The following SMAP1 variants were observed in gnomAD, a reference collection of about 807,000 sequenced individuals.
SMAP1 encodes small ArfGAP 1, also known as stromal membrane-associated protein 1.
A neutral mutation model predicts 58.5 loss-of-function variants in SMAP1; 24 were observed. The observed-to-expected ratio is 0.41, with a 90% CI of 0.30 to 0.58. The LOEUF (loss-of-function observed/expected upper bound fraction) is 0.58, where lower values mean the gene tolerates loss of function less well. SMAP1 is among the 20% of genes least tolerant of loss of function. SMAP1 has a pLI of 0.29. For synonymous variants in SMAP1, 216 were observed against 196.6 expected (o/e 1.10, Z -0.82); for missense variants, 563 against 566.3 (o/e 0.99, Z 0.06).
chr6:70,788,690 A>G (rs1034991833), intron 4 of SMAP1, among the ~76,000 whole-genome samples: 1 of 152,116 alleles, frequency 6.6e-6, no homozygotes, highest in African/African-American at 2.4e-5. Context: ...GAAAAACCAG[A>G]AGGAGTCATA....
At chr6:70,739,263 A>T (rs1452377458) in intron 2 of SMAP1, among the ~76,000 whole-genome samples, 1 of 152,182 alleles carries the variant, frequency 6.6e-6, no homozygotes, top group Non-Finnish European at 1.5e-5. Flanking sequence ...TCTGTGGATG[A>T]AGGTGAGATA....
intron 1 of SMAP1, among the ~76,000 whole-genome samples, chr6:70,714,888 T>A (rs1222564740): frequency 6.6e-6 from 1 of 152,088 alleles, no homozygotes; most frequent in Non-Finnish European, 1.5e-5. Flanking sequence ...TATTCTTGGC[T>A]GACAATTTTT....
chr6:70,679,505 C>G (rs926130441), intron 1 of SMAP1, among the ~76,000 whole-genome samples: 1 of 151,950 alleles, frequency 6.6e-6, no homozygotes. Flanking sequence ...TATAGAAAAG[C>G]TATTAGAATG....
intron 1 of SMAP1, among the ~76,000 whole-genome samples, chr6:70,724,250 G>A (rs922608985): frequency 5.9e-4 from 89 of 151,440 alleles, no homozygotes; most frequent in African/African-American, 2.1e-3. Context: ...AGGCTGGAGT[G>A]CAGTGTTGTG....
intron 6 of SMAP1, among the ~76,000 whole-genome samples, chr6:70,810,629 G>A (rs1486992553): frequency 6.6e-6 from 1 of 151,876 alleles, no homozygotes; most frequent in Non-Finnish European, 1.5e-5. Context: ...CAGGCTGGAG[G>A]GCAGTGGTGT....
intron 3 of SMAP1, among the ~76,000 whole-genome samples, chr6:70,756,688 A>G (rs1035570902): frequency 4.6e-5 from 7 of 152,132 alleles, no homozygotes; most frequent in East Asian, 1.9e-4. Context: ...GATTTTGTCA[A>G]TGTACAAAAA....
At chr6:70,779,956 T>G (rs1455755851) in intron 4 of SMAP1, among the ~76,000 whole-genome samples, 1 of 152,130 alleles carries the variant, frequency 6.6e-6, no homozygotes, top group Non-Finnish European at 1.5e-5. Flanking sequence ...CATTGAGTAG[T>G]AGGTGACAAT....
intron 1 of SMAP1, among the ~76,000 whole-genome samples, chr6:70,671,364 A>T (rs1206224428): frequency 1.3e-5 from 2 of 152,046 alleles, no homozygotes; most frequent in Non-Finnish European, 2.9e-5. Context: ...TTAAAAGTGC[A>T]TTCAAGACCA....
rs1181213003 is a variant in SMAP1, at chr6:70,754,961, A to T, written c.253-19A>T. The T allele has an allele frequency of 6.3e-7, 1 of 1,574,932 alleles. No individual in the cohort carries two copies. Among genetic ancestry groups the T allele is most frequent in the Admixed American group, 1.8e-5 (1 of 56,810 alleles). On this transcript the variant is annotated intron_variant, in intron 2 of 10. Transcript: ENST00000370455. ...TTTTAATGTTTATGTGAGTAATTAAAAAATTTTTTTTATTATAGTGCATGC... is the reference window on the plus strand; with the variant it reads ...TTTTAATGTTTATGTGAGTAATTAATAAATTTTTTTTATTATAGTGCATGC...
At chr6:70,856,699 T>C (rs1771439204) in intron 8 of SMAP1, 160 bp from the exon 9 acceptor site, 1 of 578,288 alleles carries the variant, frequency 1.7e-6, no homozygotes, top group South Asian at 4.1e-5. Flanking sequence ...TGTTTTTATA[T>C]GGGCTTGGGC....
intron 8 of SMAP1, among the ~76,000 whole-genome samples, chr6:70,854,927 T>C (rs1771339627): frequency 6.6e-6 from 1 of 152,126 alleles, no homozygotes; most frequent in African/African-American, 2.4e-5. Context: ...TGGGGTCTAG[T>C]CTTTCTTAAA....
At chr6:70,694,933 C>T (rs1297837815) in intron 1 of SMAP1, among the ~76,000 whole-genome samples, 1 of 152,200 alleles carries the variant, frequency 6.6e-6, no homozygotes, top group African/African-American at 2.4e-5. Flanking sequence ...AATCCATGAA[C>T]ATGGAATATA....
In SMAP1 at chr6:70,851,491, A is replaced by G. The variant is rs564565869; in HGVS notation, c.665-1049A>G. On this transcript the variant is annotated intron_variant, in intron 7 of 10. Transcript: ENST00000370455. ...GATGAGAGTATGGTCTACCAAAGAG[A>G]TATCAAATGAGACTGTAAATTGTTA... Among the ~76,000 whole-genome samples the G allele has an allele frequency of 1.8e-4, 27 of 152,354 alleles. No homozygotes were observed. In the East Asian group the frequency reaches 4.8e-3, roughly 27 times the overall value.
intron 1 of SMAP1, among the ~76,000 whole-genome samples, chr6:70,730,045 T>C (rs1765362277): frequency 1.3e-5 from 2 of 152,046 alleles, no homozygotes; most frequent in Non-Finnish European, 2.9e-5. Context: ...ACTGTGCATT[T>C]CTGCTTCCCT....
intron 5 of SMAP1, among the ~76,000 whole-genome samples, chr6:70,797,453 C>T (rs756311514): frequency 8.5e-5 from 13 of 152,084 alleles, no homozygotes; most frequent in Non-Finnish European, 1.6e-4. Context: ...CATCCCTTCT[C>T]CTTAAAGGTA....
At chr6:70,729,459 T>TGTGTGTGTGTGTG (rs1554194434) in intron 1 of SMAP1, among the ~76,000 whole-genome samples, 27 of 128,170 alleles carry the variant, frequency 2.1e-4, no homozygotes, top group African/African-American at 7.6e-4. Context: ...AAAAAGAAGG[T>TGTGTGTGTGTGTG]TGTGTGTGTG....
intron 1 of SMAP1, among the ~76,000 whole-genome samples, chr6:70,685,381 G>A (rs1212390204): frequency 6.6e-6 from 1 of 151,724 alleles, no homozygotes; most frequent in African/African-American, 2.4e-5. Flanking sequence ...GCCCTGAGGA[G>A]CCTTTACTTT....
At chr6:70,699,379 C>T (rs1767535963) in intron 1 of SMAP1, among the ~76,000 whole-genome samples, 1 of 152,052 alleles carries the variant, frequency 6.6e-6, no homozygotes, top group African/African-American at 2.4e-5. Context: ...GAGTCTTACC[C>T]GGGACCTGTG....
At chr6:70,767,028 C>A (rs1163636183) in intron 3 of SMAP1, among the ~76,000 whole-genome samples, 1 of 151,890 alleles carries the variant, frequency 6.6e-6, no homozygotes, top group Non-Finnish European at 1.5e-5. Context: ...GCTTGTTTTT[C>A]TCAGGTTTGT....
Sources: allele counts gnomAD v4.1 joint callset (sites outside exome capture counted in the v4.1 genomes callset), GRCh38; gene constraint gnomAD v4.1.1; transcripts MANE v1.5; gene names NCBI Gene and HGNC (gene_info 2026-07-23, HGNC 2026-07-21).